RBFOX1: variants seen among roughly 807,000 people sequenced by gnomAD.
The protein encoded by RBFOX1 is RNA binding fox-1 homolog 1.
In RBFOX1, 8 loss-of-function variants were observed where a neutral mutation model predicts 57.7. That is an observed-to-expected ratio of 0.14 (90% CI 0.08 to 0.25). RBFOX1 has a LOEUF of 0.25. Ranked by LOEUF, RBFOX1 falls within the 10% of genes least tolerant of loss-of-function variation. The pLI, the probability that RBFOX1 is intolerant of heterozygous loss-of-function variation, is 1.00. For synonymous variants in RBFOX1, 326 were observed against 222.4 expected (o/e 1.47, Z -4.15); for missense variants, 611 against 548.5 (o/e 1.11, Z -1.14).
intron 2 of RBFOX1, among the ~76,000 whole-genome samples, chr16:5,510,884 C>T (rs778948933): frequency 8.5e-5 from 13 of 152,126 alleles, no homozygotes; most frequent in Non-Finnish European, 1.9e-4. Flanking sequence ...GTGTCTCTAG[C>T]TATGGCCACG....
At chr16:7,101,363 T>C (rs927176323) in intron 4 of RBFOX1, among the ~76,000 whole-genome samples, 7 of 152,190 alleles carry the variant, frequency 4.6e-5, no homozygotes, top group East Asian at 1.9e-4. Context: ...TAGGAAGAAA[T>C]GTAATACTCA....
chr16:6,766,559 T>C (rs1026472737), intron 3 of RBFOX1, among the ~76,000 whole-genome samples: 1 of 151,866 alleles, frequency 6.6e-6, no homozygotes, highest in Non-Finnish European at 1.5e-5. Flanking sequence ...CCATGTTCTT[T>C]ATCATCAGTG....
At chr16:5,268,685 C>T (rs1186869738) in intron 1 of RBFOX1, among the ~76,000 whole-genome samples, 1 of 152,236 alleles carries the variant, frequency 6.6e-6, no homozygotes. Context: ...TTCTGCCTCT[C>T]TCCGTCTTTG....
chr16:6,847,532 G>C (rs1008359951), intron 3 of RBFOX1, among the ~76,000 whole-genome samples: 1 of 152,144 alleles, frequency 6.6e-6, no homozygotes, highest in Non-Finnish European at 1.5e-5. Context: ...ATACGCAACT[G>C]ATGGCACAGT....
intron 4 of RBFOX1, among the ~76,000 whole-genome samples, chr16:7,486,719 G>T (rs560414866): frequency 6.6e-6 from 1 of 152,126 alleles, no homozygotes; most frequent in Admixed American, 6.5e-5. Flanking sequence ...ATGCTAAGAA[G>T]CAAGTCATTC....
intron 3 of RBFOX1, among the ~76,000 whole-genome samples, chr16:6,819,464 G>T (rs1265952223): frequency 6.6e-6 from 1 of 152,062 alleles, no homozygotes; most frequent in African/African-American, 2.4e-5. Flanking sequence ...AGTACTTAGG[G>T]AGGCCCAGGC....
At chr16:7,355,500 C>T (rs2097199138) in intron 4 of RBFOX1, among the ~76,000 whole-genome samples, 1 of 152,114 alleles carries the variant, frequency 6.6e-6, no homozygotes, top group Admixed American at 6.6e-5. Flanking sequence ...TAATTACATG[C>T]ATAGGTATGT....
chr16:5,683,984 A>G (rs2050426034), intron 3 of RBFOX1, among the ~76,000 whole-genome samples: 1 of 152,048 alleles, frequency 6.6e-6, no homozygotes, highest in South Asian at 2.1e-4. Context: ...CAAGTGGCTC[A>G]TTCATTCAGT....
At chr16:5,498,865 C>T (rs957904791) in intron 2 of RBFOX1, among the ~76,000 whole-genome samples, 2 of 152,252 alleles carry the variant, frequency 1.3e-5, no homozygotes, top group African/African-American at 4.8e-5. Flanking sequence ...ACCAGGATCT[C>T]TCCTCTGTAA....
At chr16:6,620,884 TA>T (rs2098220084) in intron 2 of RBFOX1, among the ~76,000 whole-genome samples, 1 of 152,234 alleles carries the variant, frequency 6.6e-6, no homozygotes, top group African/African-American at 2.4e-5. Context: ...ATTAGTTTGA[TA>T]GGACTGCCTT....
intron 4 of RBFOX1, among the ~76,000 whole-genome samples, chr16:7,428,061 G>A (rs1479969664): frequency 6.6e-6 from 1 of 152,048 alleles, no homozygotes; most frequent in Non-Finnish European, 1.5e-5. Flanking sequence ...TTTAAGTTGT[G>A]GCTCAAGTAT....
In RBFOX1 at chr16:7,001,603, C is replaced by G. The variant is rs533375458; in HGVS notation, c.-15-50454C>G. ...TCCCGAGTAGCTGGGATTACAGGCA[C>G]GTGCCATCACACCCTGCTAATTTTT... On this transcript the variant is annotated intron_variant, in intron 3 of 15. Coordinates refer to ENST00000550418, the MANE Select transcript of RBFOX1 (RefSeq NM_018723.4). 6.6e-5 allele frequency among the ~76,000 whole-genome samples: 10 copies of G among 152,074 alleles called. No homozygotes were observed. In the East Asian group the frequency reaches 1.9e-3, roughly 30 times the overall value.
At chr16:7,078,030 A>G (rs934891569) in intron 4 of RBFOX1, among the ~76,000 whole-genome samples, 2 of 152,168 alleles carry the variant, frequency 1.3e-5, no homozygotes, top group African/African-American at 4.8e-5. Flanking sequence ...CATCACTGCT[A>G]AGACAGACAA....
At chr16:6,649,576 TCA>T (rs2098560699) in intron 2 of RBFOX1, among the ~76,000 whole-genome samples, 1 of 152,210 alleles carries the variant, frequency 6.6e-6, no homozygotes, top group African/African-American at 2.4e-5. Flanking sequence ...CTTTGCTTCC[TCA>T]TCGCTTAGCT....
At chr16:5,600,345 G>C (rs73523700), downstream of RBFOX1, among the ~76,000 whole-genome samples, 4 of 151,558 alleles carry the variant, frequency 2.6e-5, no homozygotes, top group African/African-American at 9.7e-5. Context: ...AATTAGCTGA[G>C]CGTGGTGTTG....
chr16:6,668,033 G>C (rs1303890581), intron 3 of RBFOX1, among the ~76,000 whole-genome samples: 4 of 152,166 alleles, frequency 2.6e-5, no homozygotes, highest in Non-Finnish European at 5.9e-5. Flanking sequence ...GACAAGTTAA[G>C]ATAATAGCAA....
intron 2 of RBFOX1, among the ~76,000 whole-genome samples, chr16:6,373,962 T>C (rs2090840803): frequency 6.6e-6 from 1 of 152,212 alleles, no homozygotes; most frequent in South Asian, 2.1e-4. Flanking sequence ...GGAACAGGAA[T>C]GGATGATTTA....
intron 3 of RBFOX1, among the ~76,000 whole-genome samples, chr16:6,909,752 G>A (rs1189082175): frequency 6.6e-6 from 1 of 151,994 alleles, no homozygotes; most frequent in Non-Finnish European, 1.5e-5. Context: ...CACTTTTTTT[G>A]GTGTTATTTT....
At chr16:6,836,084 C>T (rs921096836) in intron 3 of RBFOX1, among the ~76,000 whole-genome samples, 3 of 152,164 alleles carry the variant, frequency 2.0e-5, no homozygotes, top group Non-Finnish European at 4.4e-5. Context: ...CTACAAAACG[C>T]CTGCTATAGA....
Sources: gnomAD v4.1 joint callset for allele counts (sites outside exome capture counted in the v4.1 genomes callset) on GRCh38, gnomAD v4.1.1 for gene constraint, MANE v1.5 for transcripts, NCBI Gene and HGNC (gene_info 2026-07-23, HGNC 2026-07-21) for gene names.